Variants in SPSB4 observed in about 807,000 individuals in gnomAD.
The protein encoded by SPSB4 is splA/ryanodine receptor domain and SOCS box containing 4, also known as SPRY domain-containing SOCS box protein 4.
Under a neutral mutation model 20.9 loss-of-function variants are expected in SPSB4, and 21 were observed. The observed-to-expected ratio is 1.01, with a 90% confidence interval of 0.71 to 1.45. The LOEUF (loss-of-function observed/expected upper bound fraction) is 1.45. Among genes scored for constraint, SPSB4 ranks in the 40% most tolerant of loss-of-function variants. The probability of loss-of-function intolerance (pLI) is 0.00; values close to 1 mark genes in which losing one functional copy is unlikely to be tolerated. For missense variants in SPSB4, 399 were observed against 399.2 expected, an observed-to-expected ratio of 1.00 and a Z score of 0.00; for synonymous variants, 207 against 183.8, an observed-to-expected ratio of 1.13 and a Z score of -1.02.
intron 1 of SPSB4, 114 bp from the exon 2 acceptor site, chr3:141,065,838 T>TA (rs1160911077): frequency 2.2e-6 from 1 of 449,896 alleles, no homozygotes; most frequent in Non-Finnish European, 3.9e-6. Flanking sequence ...GTGTACGAAT[T>TA]ATTACTATTA....
chr3:141,107,187 A>G (rs1388426995), intron 2 of SPSB4, among the ~76,000 whole-genome samples: 2 of 152,228 alleles, frequency 1.3e-5, no homozygotes, highest in Non-Finnish European at 2.9e-5. Flanking sequence ...AGGGATCTGA[A>G]ATGTTTTACC....
chr3:141,095,180 C>T (rs73871711), intron 2 of SPSB4, among the ~76,000 whole-genome samples: 13,990 of 152,120 alleles, frequency 0.092, 1,229 homozygotes, highest in African/African-American at 0.23. Context: ...AAGGTGCCTG[C>T]GTCCTAGGTG....
intron 2 of SPSB4, among the ~76,000 whole-genome samples, chr3:141,093,872 C>G (rs1269317751): frequency 6.6e-6 from 1 of 152,202 alleles, no homozygotes; most frequent in Non-Finnish European, 1.5e-5. Context: ...CATGCCTTGG[C>G]CCCCTCTTCT....
Position 141,055,233 on chromosome 3 carries a change from G to A in SPSB4, c.-154+3241G>A, listed in dbSNP as rs544393058. Among the ~76,000 whole-genome samples the A allele has an allele frequency of 9.9e-5, 15 of 152,234 alleles. 1 individual carries two copies. The South Asian group carries it at 2.7e-3, about 27-fold the overall frequency. On this transcript the variant is annotated intron_variant, in intron 1 of 2. Transcript: ENST00000310546. ...CGTAGGCAAGAGGACATAATGGGGCGGAGGGAAGAGGATGTAGTGGGCTGA... is the reference window on the plus strand; with the variant it reads ...CGTAGGCAAGAGGACATAATGGGGCAGAGGGAAGAGGATGTAGTGGGCTGA...
chr3:141,091,036 G>C (rs1162855325), intron 2 of SPSB4, among the ~76,000 whole-genome samples: 1 of 152,228 alleles, frequency 6.6e-6, no homozygotes, highest in Non-Finnish European at 1.5e-5. Flanking sequence ...GGATGGAGGG[G>C]CCATTCACCA....
chr3:141,057,352 C>T (rs1937667454), intron 1 of SPSB4, among the ~76,000 whole-genome samples: 1 of 152,192 alleles, frequency 6.6e-6, no homozygotes, highest in South Asian at 2.1e-4. Context: ...TAAGGTCAGG[C>T]ACCTATCATT....
intron 2 of SPSB4, among the ~76,000 whole-genome samples, chr3:141,074,782 G>A (rs1194627348): frequency 1.3e-5 from 2 of 152,230 alleles, no homozygotes; most frequent in Non-Finnish European, 2.9e-5. Context: ...GGCCCTGAGG[G>A]CCGGCGTCCA....
At chr3:141,114,829 G>A (rs555326220) in intron 2 of SPSB4, among the ~76,000 whole-genome samples, 2 of 152,204 alleles carry the variant, frequency 1.3e-5, no homozygotes, top group Non-Finnish European at 2.9e-5. Context: ...CCTTGTCTAC[G>A]GTAAAATAAG....
At chr3:141,078,409 T>G (rs1576521506) in intron 2 of SPSB4, among the ~76,000 whole-genome samples, 1 of 151,610 alleles carries the variant, frequency 6.6e-6, no homozygotes, top group South Asian at 2.1e-4. Context: ...GTGTGGGGAG[T>G]GCAAGGTCCT....
At chr3:141,124,460 C>T (rs943648108) in intron 2 of SPSB4, among the ~76,000 whole-genome samples, 2 of 152,208 alleles carry the variant, frequency 1.3e-5, no homozygotes, top group African/African-American at 4.8e-5. Context: ...GAGAACCACT[C>T]ACAGGCCTCT....
chr3:141,063,626 C>T lies in SPSB4; in HGVS notation c.-153-2326C>T, dbSNP rs544010772. On this transcript the variant is annotated intron_variant, in intron 1 of 2. Coordinates refer to ENST00000310546, the MANE Select transcript of SPSB4 (RefSeq NM_080862.3). Reference sequence around the variant, plus strand: ...ACAAAATTAGTTTACAAATTTGGTTCCCATTTTTATCTGCTTTGTGGCAGC... The same window carrying T: ...ACAAAATTAGTTTACAAATTTGGTTTCCATTTTTATCTGCTTTGTGGCAGC... 2.2e-4 allele frequency among the ~76,000 whole-genome samples: 34 copies of T among 152,290 alleles called. No homozygotes were observed. In the South Asian group the frequency reaches 6.8e-3, roughly 31 times the overall value.
In SPSB4 at chr3:141,081,733, C is replaced by T. The variant is rs901443386; in HGVS notation, c.694+14935C>T. Among the ~76,000 whole-genome samples, 3 of 152,116 alleles carry T rather than the reference C, an allele frequency of 2.0e-5. No homozygotes were observed. The South Asian group carries it at 6.2e-4, about 32-fold the overall frequency. On this transcript the variant is annotated intron_variant, in intron 2 of 2. Transcript: ENST00000310546. ...CTGTGTCCTTGGGGACGTCCCTGAG[C>T]CTGCTGAGCCTCCATTTCTTTGTGG...
intron 2 of SPSB4, among the ~76,000 whole-genome samples, chr3:141,113,625 TAGAGACAG>T (rs1938839294): frequency 6.6e-6 from 1 of 152,128 alleles, no homozygotes; most frequent in Admixed American, 6.5e-5. Context: ...GGTAAATTCA[TAGAGACAG>T]AGGGTAGATT....
At chr3:141,138,832 CTGTAGA>C (rs1231825739) in intron 2 of SPSB4, among the ~76,000 whole-genome samples, 1 of 152,116 alleles carries the variant, frequency 6.6e-6, no homozygotes, top group African/African-American at 2.4e-5. Flanking sequence ...GTGGAGAGTT[CTGTAGA>C]TGTCTATTAG....
intron 2 of SPSB4, among the ~76,000 whole-genome samples, chr3:141,081,181 A>G (rs961920040): frequency 2.0e-5 from 3 of 152,204 alleles, no homozygotes; most frequent in African/African-American, 7.2e-5. Flanking sequence ...AGCCCTAACC[A>G]TATGTGGTCG....
chr3:141,065,879 G>A (rs754635961), intron 1 of SPSB4, 73 bp from the exon 2 acceptor site: 4 of 504,870 alleles, frequency 7.9e-6, no homozygotes, highest in Non-Finnish European at 1.4e-5. Flanking sequence ...GCCAAGGCAT[G>A]GACATAAATG....
intron 2 of SPSB4, chr3:141,132,174 G>GT (rs551279340): frequency 0.1 from 32,741 of 327,714 alleles, 95 homozygotes; most frequent in South Asian, 0.15. Flanking sequence ...TTATATCTTT[G>GT]TTTTTTTTTT....
intron 2 of SPSB4, among the ~76,000 whole-genome samples, chr3:141,104,254 G>C (rs796361921): frequency 1.3e-5 from 2 of 152,176 alleles, no homozygotes; most frequent in African/African-American, 4.8e-5. Context: ...AGAGGGCAGG[G>C]GAAAAGCACT....
At chr3:141,104,165 G>A (rs1271272261) in intron 2 of SPSB4, among the ~76,000 whole-genome samples, 3 of 152,298 alleles carry the variant, frequency 2.0e-5, no homozygotes, top group Middle Eastern at 3.4e-3. Flanking sequence ...AGGTCCCTGC[G>A]GGTGCAGAAT....
Sources: allele counts gnomAD v4.1 joint callset (sites outside exome capture counted in the v4.1 genomes callset), GRCh38; gene constraint gnomAD v4.1.1; transcripts MANE v1.5; gene names NCBI Gene and HGNC (gene_info 2026-07-23, HGNC 2026-07-21).